CYP11B1: variants seen among roughly 807,000 people sequenced by gnomAD.
CYP11B1 encodes the protein cytochrome P450 11B1, mitochondrial.
CYP11B1 carries 34 observed loss-of-function variants against 48.3 expected under a neutral mutation model. That is an observed-to-expected ratio of 0.70 (90% CI 0.54 to 0.94). The LOEUF (loss-of-function observed/expected upper bound fraction) is 0.94. Among genes scored for constraint, CYP11B1 ranks in the 40% least tolerant of loss-of-function variants. The pLI, the probability that CYP11B1 is intolerant of heterozygous loss-of-function variation, is 0.00. For missense variants in CYP11B1, 688 were observed against 657.4 expected, an observed-to-expected ratio of 1.05 and a Z score of -0.51; for synonymous variants, 291 against 262.5, an observed-to-expected ratio of 1.11 and a Z score of -1.05.
At chr8:142,879,257 T>C in intron 1 of CYP11B1, 70 bp from the exon 2 acceptor site, 1 of 1,611,326 alleles carries the variant, frequency 6.2e-7, no homozygotes, top group Non-Finnish European at 8.5e-7. Context: ...GCAGTCCCAA[T>C]CCAAAGTGTC....
chr8:142,876,651 C>T (rs1231526679), intron 4 of CYP11B1, 31 bp downstream of exon 4: 7 of 1,589,692 alleles, frequency 4.4e-6, no homozygotes, highest in Non-Finnish European at 6.0e-6. Context: ...GTGTCCCTTC[C>T]CCATAGCACT....
intron 1 of CYP11B1, 191 bp from the exon 2 acceptor site, chr8:142,879,378 C>T (rs531633822): frequency 8.0e-5 from 129 of 1,609,898 alleles, no homozygotes; most frequent in Non-Finnish European, 1.0e-4. Flanking sequence ...CTCTCTGCAG[C>T]GAGCTGGGAT....
At position 142,879,023 on chromosome 8, in the gene CYP11B1, G is replaced by A. The variant is rs61751140; in HGVS notation, c.395+9C>T. ...CCACCCTGCTCCCAGCTCTCAGCTC[G>A]CCGCTTACAGCAAGAACACGCCACA... On this transcript the variant is annotated intron_variant, in intron 2 of 8. Coordinates refer to ENST00000292427, the MANE Select transcript of CYP11B1 (RefSeq NM_000497.4). 4.9e-4 allele frequency: 790 copies of A among 1,613,928 alleles called. 4 individuals are homozygous for A. The African/African-American group carries it at 7.6e-3, about 15-fold the overall frequency.
Position 142,875,461 on chromosome 8 carries a change from G to A in CYP11B1, c.1122-149C>T, listed in dbSNP as rs6422. 9,801 of 1,152,888 alleles carry A rather than the reference G, an allele frequency of 8.5e-3. 7 individuals carry two copies. Among genetic ancestry groups the A allele is most frequent in the East Asian group, 0.037 (1,184 of 32,242 alleles). The allele number at this position is 1,152,888 out of a possible 1,614,324, so 71.4% of individuals were successfully genotyped here. The stretch of plus-strand genomic sequence containing the variant: ...GTGCTTCCTTGCACCTGCTGAGCCC[G>A]GCCAAACCTCCCCTAACTTAAGCAG... On this transcript the variant is annotated intron_variant, in intron 6 of 8. Coordinates refer to ENST00000292427, the MANE Select transcript of CYP11B1 (RefSeq NM_000497.4).
intron 2 of CYP11B1, among the ~76,000 whole-genome samples, chr8:142,878,537 C>T (rs188116926): frequency 3.3e-4 from 50 of 152,360 alleles, no homozygotes; most frequent in African/African-American, 1.2e-3. Flanking sequence ...CACCAGCCAC[C>T]TGCATCCCCA....
At position 142,877,058 on chromosome 8, in the gene CYP11B1, T is replaced by C; in HGVS notation, c.560A>G (p.Asp187Gly). ...GTAGTGGAAGATGCTGGGCTGGACG[T>C]CCAGGGTCAGGCTCCCCCGGGCGTT... Reference protein sequence around the residue: ...LQNARGSLTLDVQPSIFHYTI... With the variant: ...LQNARGSLTLGVQPSIFHYTI... Residue 187 changes from aspartate (D) to glycine (G), a missense_variant, in exon 3 of 9, where the codon GAC becomes GGC. Asp to Gly is a moderately conservative substitution (Grantham distance 94). Coordinates refer to ENST00000292427, the MANE Select transcript of CYP11B1 (RefSeq NM_000497.4). The C allele has an allele frequency of 1.2e-6, 2 of 1,613,900 alleles. No homozygotes were observed. The highest frequency in any genetic ancestry group is 1.7e-6 in the Non-Finnish European group (2 of 1,179,952).
Position 142,875,649 on chromosome 8 carries a change from C to T in CYP11B1, c.1121+63G>A, listed in dbSNP as rs370014024. ...CAGCCCCAGATTCTGTCTGCCACCA[C>T]CCAGTGGGGGCTGCTCTCCAGCAGG... is the stretch of plus-strand genomic sequence containing the variant. On this transcript the variant is annotated intron_variant, in intron 6 of 8. Coordinates refer to ENST00000292427, the MANE Select transcript of CYP11B1 (RefSeq NM_000497.4). The T allele has an allele frequency of 1.1e-5, 18 of 1,588,890 alleles. No homozygotes were observed. In the African/African-American group the frequency reaches 1.2e-4, roughly 11 times the overall value.
In CYP11B1 at chr8:142,875,682, G is replaced by A. The variant is rs541240407; in HGVS notation, c.1121+30C>T. On this transcript the variant is annotated intron_variant, in intron 6 of 8. Transcript: ENST00000292427. Reference sequence around the variant, plus strand: ...GGGCTGCTCTCCAGCAGGGGGCCAGGGCCACAGGGAGGCCTCAGCCAGCAC... The same window carrying A: ...GGGCTGCTCTCCAGCAGGGGGCCAGAGCCACAGGGAGGCCTCAGCCAGCAC... The A allele has an allele frequency of 2.0e-5, 33 of 1,612,078 alleles. 1 individual carries two copies. The South Asian group carries it at 3.1e-4, about 15-fold the overall frequency.
chr8:142,874,881 CAGTCCCACATTGCTCA>C, intron 8 of CYP11B1, 60 bp downstream of exon 8: 1 of 1,564,788 alleles, frequency 6.4e-7, no homozygotes, highest in South Asian at 1.1e-5. Context: ...CTGCCGAGGC[CAGTCCCACATTGCTCA>C]AGCCCCGCCC....
At chr8:142,874,812 C>T in intron 8 of CYP11B1, 145 bp downstream of exon 8, 3 of 1,032,720 alleles carry the variant, frequency 2.9e-6, no homozygotes, top group South Asian at 2.9e-5. Context: ...CTCAACCTGG[C>T]CCAGGTTCTC....
At position 142,879,029 on chromosome 8, in the gene CYP11B1, T is replaced by C. The variant is rs5286; in HGVS notation, c.395+3A>G. The C allele has an allele frequency of 6.2e-7, 1 of 1,613,982 alleles. No individual in the cohort carries two copies. Among genetic ancestry groups the C allele is most frequent in the African/African-American group, 1.3e-5 (1 of 74,892 alleles). ...TGCTCCCAGCTCTCAGCTCGCCGCTTACAGCAAGAACACGCCACATTTGTG... is the reference window on the plus strand; with the variant it reads ...TGCTCCCAGCTCTCAGCTCGCCGCTCACAGCAAGAACACGCCACATTTGTG... On this transcript the variant is annotated splice_donor_region_variant and intron_variant, in intron 2 of 8. Coordinates refer to ENST00000292427, the MANE Select transcript of CYP11B1 (RefSeq NM_000497.4).
In CYP11B1 at chr8:142,875,226, T is replaced by A; in HGVS notation, c.1200+8A>T. Reference sequence around the variant, plus strand: ...GTTCTCAGCTCGAGGGGTGTGGGGCTCACTCACCCCAGCTGGGATGTGGTA... The same window carrying A: ...GTTCTCAGCTCGAGGGGTGTGGGGCACACTCACCCCAGCTGGGATGTGGTA... On this transcript the variant is annotated splice_region_variant and intron_variant, in intron 7 of 8. Coordinates refer to ENST00000292427, the MANE Select transcript of CYP11B1 (RefSeq NM_000497.4). The A allele has an allele frequency of 6.2e-7, 1 of 1,613,936 alleles. No homozygotes were observed. The highest frequency in any genetic ancestry group is 8.5e-7 in the Non-Finnish European group (1 of 1,179,894).
chr8:142,879,346 T>C, intron 1 of CYP11B1, 159 bp from the exon 2 acceptor site: 5 of 1,607,144 alleles, frequency 3.1e-6, no homozygotes, highest in Non-Finnish European at 4.2e-6. Flanking sequence ...ACCTCTTAAC[T>C]TCAGTGCCTC....
rs1316911360 is a variant in CYP11B1, at chr8:142,874,315, G to A, written c.*58C>T. ...TGTGGGAGAGAAGAGGGGTGGCCTG[G>A]GGTCAGGCAGAAAGGGAGGCTGGTG... On this transcript the variant is annotated 3_prime_UTR_variant, in exon 9 of 9. Coordinates refer to ENST00000292427, the MANE Select transcript of CYP11B1 (RefSeq NM_000497.4). 7.6e-6 allele frequency: 9 copies of A among 1,185,000 alleles called. No homozygotes were observed. The East Asian group carries it at 2.1e-4, about 28-fold the overall frequency. 73.4% of individuals were successfully genotyped at this position (1,185,000 alleles called of 1,614,324 possible). A position where few individuals can be genotyped will look rare whatever the true frequency, so the allele number is the denominator to read the frequency against.
Position 142,872,729 on chromosome 8 carries a change from T to A in CYP11B1, c.*1644A>T, listed in dbSNP as rs1449573887. ...TTTTAGAGAAACAGAAGCAGAGTAG[T>A]TTAATCTGAATTTTTGTGTCCGCCT... On this transcript the variant is annotated 3_prime_UTR_variant, in exon 9 of 9. Transcript: ENST00000292427. 6.6e-6 allele frequency: 1 copy of A among 152,118 alleles called. No individual in the cohort carries two copies. The highest frequency in any genetic ancestry group is 2.4e-5 in the African/African-American group (1 of 41,418). 9.4% of individuals were successfully genotyped at this position (152,118 alleles called of 1,614,324 possible). A position where few individuals can be genotyped will look rare whatever the true frequency, so the allele number is the denominator to read the frequency against.
At position 142,878,057 on chromosome 8, in the gene CYP11B1, GAC is replaced by G. The variant is rs553065515; in HGVS notation, c.396-837_396-836del. On this transcript the variant is annotated intron_variant, in intron 2 of 8. Coordinates refer to ENST00000292427, the MANE Select transcript of CYP11B1 (RefSeq NM_000497.4). ...CACACACCACACATACATGCACACA[GAC>G]ACATGTGCACACACGCATGCACACA... Among the ~76,000 whole-genome samples, 9 of 95,238 alleles carry G rather than the reference GAC, an allele frequency of 9.5e-5. No homozygotes were observed. In the East Asian group the frequency reaches 2.9e-3, roughly 31 times the overall value. The allele number at this position is 95,238 out of a possible 152,430, so 62.5% of individuals were successfully genotyped here. A position where few individuals can be genotyped will look rare whatever the true frequency, so the allele number is the denominator to read the frequency against.
In CYP11B1 at chr8:142,873,516, A is replaced by C. The variant is rs370725779; in HGVS notation, c.*857T>G. ...CCGTATCAACCAGAGAAATGAGTCA[A>C]TAAAACTCGTCTGAGTCCTTGTTGG... On this transcript the variant is annotated 3_prime_UTR_variant, in exon 9 of 9. Coordinates refer to ENST00000292427, the MANE Select transcript of CYP11B1 (RefSeq NM_000497.4). The C allele has an allele frequency of 6.6e-6, 1 of 152,244 alleles. No homozygotes were observed. The highest frequency in any genetic ancestry group is 2.4e-5 in the African/African-American group (1 of 41,452). 9.4% of individuals were successfully genotyped at this position (152,244 alleles called of 1,614,324 possible). A position where few individuals can be genotyped will look rare whatever the true frequency, so the allele number is the denominator to read the frequency against.
intron 2 of CYP11B1, among the ~76,000 whole-genome samples, chr8:142,877,432 T>C (rs908809897): frequency 6.6e-6 from 1 of 152,174 alleles, no homozygotes; most frequent in African/African-American, 2.4e-5. Context: ...TAAGCAGGGA[T>C]GAGATGGTAG....
In CYP11B1 at chr8:142,876,852, C is replaced by T. The variant is rs1487346842; in HGVS notation, c.629G>A (p.Gly210Asp). 3.1e-6 allele frequency: 5 copies of T among 1,614,052 alleles called. No homozygotes were observed. Among genetic ancestry groups the T allele is most frequent in the Middle Eastern group, 1.6e-4 (1 of 6,080 alleles). ...SNLALFGERLGLVGHSPSSAS... is the reference protein window; with the variant it reads ...SNLALFGERLDLVGHSPSSAS... ...AGAACTGGGGCTGTGGCCAACCAGG[C>T]CCAGCCGCTCTCCAAAAAGAGCCAA... is the stretch of plus-strand genomic sequence containing the variant. The change falls in exon 4 of 9, where the codon GGC (glycine) becomes GAC (aspartate). Residue 210 changes from glycine (G) to aspartate (D), a missense_variant. Transcript: ENST00000292427.
Sources: allele counts gnomAD v4.1 joint callset (sites outside exome capture counted in the v4.1 genomes callset), GRCh38; gene constraint gnomAD v4.1.1; transcripts MANE v1.5; gene names NCBI Gene and HGNC (gene_info 2026-07-23, HGNC 2026-07-21).